Variants in TUT4 observed in about 807,000 individuals in gnomAD.
TUT4 encodes terminal uridylyltransferase 4.
Under a neutral mutation model 192.2 loss-of-function variants are expected in TUT4, and 36 were observed. That is an observed-to-expected ratio of 0.19 (90% confidence interval 0.14 to 0.25). The LOEUF is 0.25. TUT4 is among the 10% of genes least tolerant of loss of function. TUT4 has a pLI of 1.00. For missense variants in TUT4, 1,493 were observed against 1,957.2 expected, an observed-to-expected ratio of 0.76 and a Z score of 4.47; for synonymous variants, 618 against 666.0, an observed-to-expected ratio of 0.93 and a Z score of 1.11.
At chr1:52,442,996 A>G (rs1656138115) in intron 24 of TUT4, among the ~76,000 whole-genome samples, 2 of 152,350 alleles carry the variant, frequency 1.3e-5, no homozygotes, top group Admixed American at 6.5e-5. Flanking sequence ...TCTACTAAAA[A>G]GTCTCGGAAA....
chr1:52,449,046 G>A lies in TUT4; in HGVS notation c.3436-2379C>T, dbSNP rs545287129. Among the ~76,000 whole-genome samples, 4 of 151,672 alleles carry A rather than the reference G, an allele frequency of 2.6e-5. No homozygotes were observed. In the East Asian group the frequency reaches 7.8e-4, roughly 29 times the overall value. On this transcript the variant is annotated intron_variant, in intron 20 of 29. Coordinates refer to ENST00000257177, the MANE Select transcript of TUT4 (RefSeq NM_001009881.3). ...CTCCACTCTGTTTCAGCCCCCAGAA[G>A]CACTAATGCTATACACTTTTACACA...
At chr1:52,504,299 G>A (rs564077177) in intron 4 of TUT4, among the ~76,000 whole-genome samples, 57 of 152,134 alleles carry the variant, frequency 3.7e-4, no homozygotes, top group African/African-American at 1.3e-3. Context: ...ACCCTTCTCA[G>A]GCTTCTTTCA....
chr1:52,508,211 T>C (rs533729076), intron 4 of TUT4, among the ~76,000 whole-genome samples: 3 of 151,102 alleles, frequency 2.0e-5, no homozygotes, highest in African/African-American at 4.9e-5. Flanking sequence ...CCTGTAATCC[T>C]AGCTACCTGG....
intron 1 of TUT4, among the ~76,000 whole-genome samples, chr1:52,541,171 T>C (rs1405701473): frequency 6.8e-6 from 1 of 146,762 alleles, no homozygotes; most frequent in Non-Finnish European, 1.5e-5. Flanking sequence ...ATCACGCGAC[T>C]GCACTCCAGC....
intron 11 of TUT4, 89 bp downstream of exon 11, chr1:52,481,330 GGTCA>G (rs199827915): frequency 4.2e-4 from 564 of 1,350,070 alleles, no homozygotes; most frequent in East Asian, 1.6e-3. Flanking sequence ...GCTTGCTCAA[GGTCA>G]GTCAATCTAC....
At chr1:52,507,716 T>C (rs1675994656) in intron 4 of TUT4, among the ~76,000 whole-genome samples, 1 of 152,168 alleles carries the variant, frequency 6.6e-6, no homozygotes, top group Non-Finnish European at 1.5e-5. Context: ...TAAAGTATAA[T>C]GCAAATATTC....
chr1:52,471,631 T>A (rs1224697034), intron 14 of TUT4, among the ~76,000 whole-genome samples: 1 of 151,456 alleles, frequency 6.6e-6, no homozygotes, highest in East Asian at 1.9e-4. Context: ...ATGTCTAGTA[T>A]AAAACTGAAG....
At chr1:52,431,575 C>CTCT in intron 27 of TUT4, 115 bp from the exon 28 acceptor site, 1 of 816,522 alleles carries the variant, frequency 1.2e-6, no homozygotes, top group South Asian at 3.5e-5. Flanking sequence ...TGATGTATAT[C>CTCT]ATAACAAATA....
At chr1:52,430,085 G>C (rs1651562022) in intron 28 of TUT4, among the ~76,000 whole-genome samples, 1 of 151,578 alleles carries the variant, frequency 6.6e-6, no homozygotes, top group Non-Finnish European at 1.5e-5. Context: ...TTATGTCTAG[G>C]AATTGAGATG....
intron 14 of TUT4, among the ~76,000 whole-genome samples, chr1:52,469,597 T>C (rs1665133562): frequency 6.6e-6 from 1 of 151,980 alleles, no homozygotes; most frequent in South Asian, 2.1e-4. Flanking sequence ...ACAGATAAGA[T>C]GGCTACATAC....
At chr1:52,500,928 A>G (rs1673916345) in intron 4 of TUT4, among the ~76,000 whole-genome samples, 1 of 152,182 alleles carries the variant, frequency 6.6e-6, no homozygotes, top group Non-Finnish European at 1.5e-5. Flanking sequence ...TTCAAAAACA[A>G]AAAAAGAAAA....
chr1:52,445,646 T>G (rs778561383), intron 24 of TUT4, 141 bp downstream of exon 24: 4 of 649,604 alleles, frequency 6.2e-6, no homozygotes, highest in Non-Finnish European at 1.1e-5. Context: ...CACTATGGAC[T>G]ATGATAAATG....
chr1:52,424,044 CTGTT>C (rs773651465), intron 29 of TUT4, 42 bp from the exon 30 acceptor site: 3 of 1,568,966 alleles, frequency 1.9e-6, no homozygotes, highest in South Asian at 1.2e-5. Flanking sequence ...AGGCTTGTGC[CTGTT>C]TATCTGACAA....
intron 20 of TUT4, among the ~76,000 whole-genome samples, chr1:52,453,736 A>T (rs1004433204): frequency 3.9e-5 from 6 of 152,212 alleles, no homozygotes; most frequent in Non-Finnish European, 8.8e-5. Context: ...CTGACACTGG[A>T]AGTTCTAGCT....
At chr1:52,475,599 A>G (rs1666869924) in intron 12 of TUT4, 64 bp from the exon 13 acceptor site, 1 of 1,400,338 alleles carries the variant, frequency 7.1e-7, no homozygotes, top group East Asian at 2.5e-5. Context: ...CCAAGCTCAT[A>G]CAAGTAGATC....
In TUT4 at chr1:52,471,874, T is replaced by C. The variant is rs138915335; in HGVS notation, c.2878+78A>G. Reference sequence around the variant, plus strand: ...CTAGCAAAACAAAACGTAAACAAACTGTTTTTAAATCAGAAAATTAATATT... The same window carrying C: ...CTAGCAAAACAAAACGTAAACAAACCGTTTTTAAATCAGAAAATTAATATT... On this transcript the variant is annotated intron_variant, in intron 14 of 29. Coordinates refer to ENST00000257177, the MANE Select transcript of TUT4 (RefSeq NM_001009881.3). 33 of 1,446,094 alleles carry C rather than the reference T, an allele frequency of 2.3e-5. No homozygotes were observed. In the Admixed American group the frequency reaches 5.9e-4, roughly 26 times the overall value. 89.6% of individuals were successfully genotyped at this position (1,446,094 alleles called of 1,614,324 possible). A position where few individuals can be genotyped will look rare whatever the true frequency, so the allele number is the denominator to read the frequency against.
chr1:52,442,167 C>CAAAAAAAAAA (rs58552556), intron 24 of TUT4, among the ~76,000 whole-genome samples: 1 of 76,356 alleles, frequency 1.3e-5, no homozygotes, highest in Non-Finnish European at 2.6e-5. Context: ...GACTCCACCT[C>CAAAAAAAAAA]AAAAAAAAAA....
intron 28 of TUT4, 112 bp from the exon 29 acceptor site, chr1:52,425,619 C>A: frequency 1.6e-6 from 2 of 1,289,302 alleles, no homozygotes; most frequent in South Asian, 1.8e-5. Context: ...AAGAACTATG[C>A]TAAATTCAGA....
chr1:52,518,908 A>C (rs189713042), intron 2 of TUT4, among the ~76,000 whole-genome samples: 122 of 152,344 alleles, frequency 8.0e-4, no homozygotes, highest in African/African-American at 2.8e-3. Flanking sequence ...GAATGTACTT[A>C]GTGTCACTGA....
Sources: gnomAD v4.1 joint callset for allele counts (sites outside exome capture counted in the v4.1 genomes callset) on GRCh38, gnomAD v4.1.1 for gene constraint, MANE v1.5 for transcripts, NCBI Gene and HGNC (gene_info 2026-07-23, HGNC 2026-07-21) for gene names.